SNTG1: variants seen among roughly 807,000 people sequenced by gnomAD.
SNTG1 encodes gamma-1-syntrophin.
In SNTG1, 39 loss-of-function variants were observed where a neutral mutation model predicts 74.7. The observed-to-expected ratio is 0.52, with a 90% confidence interval of 0.40 to 0.68. The LOEUF (loss-of-function observed/expected upper bound fraction) is 0.68. SNTG1 is among the 30% of genes least tolerant of loss of function. The pLI, the probability that SNTG1 is intolerant of heterozygous loss-of-function variation, is 0.00. For missense variants in SNTG1, 685 were observed against 609.5 expected, an observed-to-expected ratio of 1.12 and a Z score of -1.30; for synonymous variants, 254 against 217.1, an observed-to-expected ratio of 1.17 and a Z score of -1.49.
intron 13 of SNTG1, among the ~76,000 whole-genome samples, chr8:50,608,975 G>A (rs1585835055): frequency 6.6e-6 from 1 of 151,904 alleles, no homozygotes; most frequent in East Asian, 1.9e-4. Flanking sequence ...TAAATATTTT[G>A]CTGCATTGCA....
Position 50,573,013 on chromosome 8 carries a change from G to T in SNTG1, c.811-17866G>T, listed in dbSNP as rs1403879609. Among the ~76,000 whole-genome samples the T allele has an allele frequency of 2.0e-5, 3 of 152,002 alleles. No homozygotes were observed. The East Asian group carries it at 5.8e-4, about 29-fold the overall frequency. ...AGAGCACAACTCCCCAGTCATCAAG[G>T]TGTCTTGTATATGAAAGCTGGAAAT... On this transcript the variant is annotated intron_variant, in intron 12 of 18. Coordinates refer to ENST00000642720, the MANE Select transcript of SNTG1 (RefSeq NM_018967.5).
At chr8:50,336,972 A>C (rs961907261) in intron 2 of SNTG1, among the ~76,000 whole-genome samples, 2 of 152,202 alleles carry the variant, frequency 1.3e-5, no homozygotes, top group Non-Finnish European at 2.9e-5. Context: ...ATTTCTATAT[A>C]TTATGTGTCA....
intron 5 of SNTG1, among the ~76,000 whole-genome samples, chr8:50,443,786 T>G (rs1284244213): frequency 6.6e-6 from 1 of 152,180 alleles, no homozygotes; most frequent in African/African-American, 2.4e-5. Context: ...AACTCTCTAC[T>G]CAGGGACATA....
At chr8:50,066,822 G>A (rs143615667) in intron 1 of SNTG1, among the ~76,000 whole-genome samples, 4 of 151,978 alleles carry the variant, frequency 2.6e-5, no homozygotes, top group Non-Finnish European at 5.9e-5. Context: ...TATATCTGTC[G>A]AACTAGCTAG....
At chr8:50,146,316 G>A (rs1410960786) in intron 1 of SNTG1, among the ~76,000 whole-genome samples, 9 of 152,044 alleles carry the variant, frequency 5.9e-5, no homozygotes, top group Admixed American at 2.6e-4. Flanking sequence ...TCAGGAGTTC[G>A]CGACCAGCCT....
At chr8:50,677,112 T>G (rs2095312435) in intron 15 of SNTG1, among the ~76,000 whole-genome samples, 1 of 151,998 alleles carries the variant, frequency 6.6e-6, no homozygotes, top group South Asian at 2.1e-4. Flanking sequence ...TGATTATGGA[T>G]TTCCATGTTG....
chr8:50,597,169 T>C lies in SNTG1; in HGVS notation c.849+6252T>C, dbSNP rs1267389264. 5.5e-4 allele frequency among the ~76,000 whole-genome samples: 83 copies of C among 151,918 alleles called. 2 individuals carry two copies. The highest frequency in any genetic ancestry group is 4.4e-5 in the Non-Finnish European group (3 of 67,884). On this transcript the variant is annotated intron_variant, in intron 13 of 18. Transcript: ENST00000642720. ...CACTGATGATTGAGATCATGTGATGTTTGTCTTTCTATGCATGGGTCATTT... is the reference window on the plus strand; with the variant it reads ...CACTGATGATTGAGATCATGTGATGCTTGTCTTTCTATGCATGGGTCATTT...
intron 2 of SNTG1, among the ~76,000 whole-genome samples, chr8:50,266,684 GTA>G (rs1554623724): frequency 2.1e-3 from 287 of 136,800 alleles, no homozygotes; most frequent in African/African-American, 6.9e-3. Flanking sequence ...GTGTGTGTGT[GTA>G]TATATATATA....
At chr8:50,708,056 C>T in intron 16 of SNTG1, 1 of 248,344 alleles carries the variant, frequency 4.0e-6, no homozygotes, top group Non-Finnish European at 7.6e-6. Context: ...CAAAAATTAG[C>T]CAGGCACGGT....
chr8:49,942,138 T>C (rs752183692), intron 1 of SNTG1, among the ~76,000 whole-genome samples: 18 of 152,162 alleles, frequency 1.2e-4, no homozygotes, highest in Non-Finnish European at 2.5e-4. Flanking sequence ...AAAGGTAATA[T>C]TGTAAACCTT....
In SNTG1 at chr8:50,465,772, T is replaced by C. The variant is rs192481831; in HGVS notation, c.363+15043T>C. On this transcript the variant is annotated intron_variant, in intron 8 of 18. Transcript: ENST00000642720. ...TAAGATTTATGACTTTTTTCCTGGC[T>C]TGAAAGCTCTTTTTGTTACTGAAGA... Among the ~76,000 whole-genome samples the C allele has an allele frequency of 1.7e-3, 263 of 152,334 alleles. 1 individual carries two copies. The highest frequency in any genetic ancestry group is 5.8e-3 in the African/African-American group (243 of 41,590).
chr8:50,735,243 A>G (rs186922666), intron 17 of SNTG1, among the ~76,000 whole-genome samples: 1 of 151,824 alleles, frequency 6.6e-6, no homozygotes, highest in East Asian at 1.9e-4. Context: ...TTAAAAGAGA[A>G]TTGTTGAGAA....
At chr8:50,412,057 A>G (rs1214793400) in intron 4 of SNTG1, among the ~76,000 whole-genome samples, 2 of 152,212 alleles carry the variant, frequency 1.3e-5, no homozygotes, top group African/African-American at 4.8e-5. Flanking sequence ...TATTTACCAC[A>G]AGAACAATGG....
At chr8:50,769,064 A>AT (rs769478619) in intron 18 of SNTG1, among the ~76,000 whole-genome samples, 3 of 151,556 alleles carry the variant, frequency 2.0e-5, no homozygotes, top group Admixed American at 6.6e-5. Context: ...TCATTGATAT[A>AT]TTTTTTCTCC....
At chr8:50,638,787 G>T (rs1317126086) in intron 13 of SNTG1, among the ~76,000 whole-genome samples, 1 of 151,880 alleles carries the variant, frequency 6.6e-6, no homozygotes, top group African/African-American at 2.4e-5. Flanking sequence ...ACCTCACTGA[G>T]GATTTCTCCA....
intron 13 of SNTG1, among the ~76,000 whole-genome samples, chr8:50,607,909 A>G (rs1425350387): frequency 2.0e-5 from 3 of 151,666 alleles, no homozygotes; most frequent in African/African-American, 7.2e-5. Context: ...ACTTTCCCTT[A>G]TAAACTCATT....
At chr8:49,972,684 C>T (rs1811807482) in intron 1 of SNTG1, among the ~76,000 whole-genome samples, 1 of 151,872 alleles carries the variant, frequency 6.6e-6, no homozygotes, top group Non-Finnish European at 1.5e-5. Context: ...AAAAAACAAC[C>T]CCATCAACAA....
At chr8:50,274,379 A>G (rs1208844091) in intron 2 of SNTG1, among the ~76,000 whole-genome samples, 2 of 151,912 alleles carry the variant, frequency 1.3e-5, no homozygotes, top group Non-Finnish European at 2.9e-5. Flanking sequence ...GAGCCACAGC[A>G]CCCGGCAATA....
At chr8:50,642,753 G>GATTT (rs1410608147) in intron 13 of SNTG1, among the ~76,000 whole-genome samples, 53 of 151,802 alleles carry the variant, frequency 3.5e-4, no homozygotes, top group Admixed American at 1.3e-4. Context: ...TCTTTTCCTT[G>GATTT]ATTTATTTAT....
Sources: gnomAD v4.1 joint callset for allele counts (sites outside exome capture counted in the v4.1 genomes callset) on GRCh38, gnomAD v4.1.1 for gene constraint, MANE v1.5 for transcripts, NCBI Gene and HGNC (gene_info 2026-07-23, HGNC 2026-07-21) for gene names.